Variants in KIAA1671 observed in about 807,000 individuals in gnomAD.
KIAA1671 encodes KIAA1671.
KIAA1671 carries 52 observed loss-of-function variants against 131.2 expected under a neutral mutation model. That is an observed-to-expected ratio of 0.40 (90% CI 0.32 to 0.50). The LOEUF is 0.50. KIAA1671 is among the 20% of genes least tolerant of loss of function. The pLI, the probability that KIAA1671 is intolerant of heterozygous loss-of-function variation, is 0.73. For missense variants in KIAA1671, 2,360 were observed against 2,364.2 expected (o/e 1.00, Z 0.04); for synonymous variants, 1,003 against 961.6 (o/e 1.04, Z -0.80).
intron 6 of KIAA1671, among the ~76,000 whole-genome samples, chr22:25,088,256 C>T (rs1929839444): frequency 1.3e-5 from 2 of 152,172 alleles, no homozygotes; most frequent in Non-Finnish European, 1.5e-5. Context: ...TACAGGCGTG[C>T]ACCACCACAC....
chr22:25,009,017 C>T (rs1342521867), intron 1 of KIAA1671, among the ~76,000 whole-genome samples: 1 of 152,120 alleles, frequency 6.6e-6, no homozygotes, highest in African/African-American at 2.4e-5. Flanking sequence ...CCTGGGAAAA[C>T]CAGGAGAGGA....
chr22:25,046,971 GTTTTTTT>G (rs151333876), intron 5 of KIAA1671, among the ~76,000 whole-genome samples: 1 of 125,610 alleles, frequency 8.0e-6, no homozygotes, highest in Non-Finnish European at 1.6e-5. Flanking sequence ...TGTCTTGAGA[GTTTTTTT>G]TTTTTTTTTT....
At chr22:24,981,799 T>C (rs1923250011) in intron 1 of KIAA1671, among the ~76,000 whole-genome samples, 1 of 152,166 alleles carries the variant, frequency 6.6e-6, no homozygotes, top group African/African-American at 2.4e-5. Flanking sequence ...TTCCAGCTAC[T>C]TGGGAGACCA....
At chr22:25,018,969 ACAGTGGATGT>A (rs1236712719) in intron 1 of KIAA1671, among the ~76,000 whole-genome samples, 1 of 152,030 alleles carries the variant, frequency 6.6e-6, no homozygotes, top group Non-Finnish European at 1.5e-5. Context: ...ACTGATTTCC[ACAGTGGATGT>A]GCCATTTTAT....
chr22:25,040,451 C>T lies in KIAA1671; in HGVS notation c.3321C>T (p.Asp1107=). Residue 1107 remains aspartate (D), a synonymous_variant, in exon 5 of 13, where the codon GAC becomes GAT. Coordinates refer to ENST00000358431, the MANE Select transcript of KIAA1671 (RefSeq NM_001145206.2). ...ASILKTLKPT[D]RPSSLGAWSL... ...TTTTAAAAACTCTGAAGCCAACAGA[C>T]CGTCCATCATCTCTTGGGGCCTGGA... The T allele has an allele frequency of 1.3e-6, 2 of 1,552,064 alleles. No individual in the cohort carries two copies. Among genetic ancestry groups the T allele is most frequent in the Admixed American group, 2.0e-5 (1 of 51,004 alleles).
At chr22:25,096,870 A>G (rs1372357554) in intron 6 of KIAA1671, among the ~76,000 whole-genome samples, 1 of 152,098 alleles carries the variant, frequency 6.6e-6, no homozygotes, top group Non-Finnish European at 1.5e-5. Flanking sequence ...GGAGCCGTGC[A>G]CTCTGCAGTC....
chr22:25,043,389 A>G (rs1444714920), intron 5 of KIAA1671, among the ~76,000 whole-genome samples: 1 of 152,170 alleles, frequency 6.6e-6, no homozygotes, highest in African/African-American at 2.4e-5. Flanking sequence ...ATGGGGGGAA[A>G]AAAACAGAGG....
chr22:24,970,077 G>T (rs564478674), intron 1 of KIAA1671, among the ~76,000 whole-genome samples: 1 of 152,136 alleles, frequency 6.6e-6, no homozygotes, highest in Non-Finnish European at 1.5e-5. Flanking sequence ...TTATCACTCC[G>T]GGATGCTTCC....
chr22:24,995,557 G>A (rs995858895), intron 1 of KIAA1671, among the ~76,000 whole-genome samples: 51 of 151,600 alleles, frequency 3.4e-4, no homozygotes, highest in Non-Finnish European at 8.8e-5. Context: ...ACTGGGTTTC[G>A]CCACGTTGCC....
intron 6 of KIAA1671, chr22:25,050,700 G>A (rs1168061393): frequency 3.3e-5 from 5 of 152,320 alleles, no homozygotes; most frequent in African/African-American, 1.2e-4. Flanking sequence ...AGACGGGCCG[G>A]GGAGGAACTC....
intron 6 of KIAA1671, among the ~76,000 whole-genome samples, chr22:25,151,952 C>T (rs1007733943): frequency 4.6e-5 from 7 of 152,044 alleles, no homozygotes; most frequent in South Asian, 2.1e-4. Context: ...TTGGCCAGGC[C>T]GCTCCTGAAC....
intron 5 of KIAA1671, among the ~76,000 whole-genome samples, chr22:25,043,215 CT>C (rs1243820513): frequency 6.6e-6 from 1 of 152,162 alleles, no homozygotes; most frequent in Non-Finnish European, 1.5e-5. Context: ...AAATAAGCCA[CT>C]TTGTTTTTAA....
chr22:25,062,974 G>A (rs975427467), intron 6 of KIAA1671: 1 of 152,032 alleles, frequency 6.6e-6, no homozygotes, highest in Non-Finnish European at 1.5e-5. Context: ...CCCCTTTTCT[G>A]ATGGGCTGGC....
chr22:25,166,634 A>G (rs975994330), intron 6 of KIAA1671, among the ~76,000 whole-genome samples: 1 of 152,200 alleles, frequency 6.6e-6, no homozygotes, highest in African/African-American at 2.4e-5. Context: ...AATTGCTGTC[A>G]TCATGACGGT....
At chr22:25,067,626 G>A (rs940895536) in intron 6 of KIAA1671, among the ~76,000 whole-genome samples, 6 of 151,538 alleles carry the variant, frequency 4.0e-5, no homozygotes, top group African/African-American at 7.3e-5. Flanking sequence ...TCTGCCCTGC[G>A]CCTGGCCTGC....
intron 1 of KIAA1671, among the ~76,000 whole-genome samples, chr22:24,966,969 A>C (rs1283659720): frequency 6.6e-6 from 1 of 152,128 alleles, no homozygotes; most frequent in Non-Finnish European, 1.5e-5. Flanking sequence ...TGAATGAACG[A>C]ATGAATGAAT....
chr22:25,138,327 G>A (rs1398127624), intron 6 of KIAA1671, among the ~76,000 whole-genome samples: 1 of 152,144 alleles, frequency 6.6e-6, no homozygotes, highest in Non-Finnish European at 1.5e-5. Context: ...ATGAGTGACA[G>A]CACTTTTTGC....
intron 6 of KIAA1671, among the ~76,000 whole-genome samples, chr22:25,118,617 A>G (rs1931792468): frequency 1.3e-5 from 2 of 151,980 alleles, no homozygotes; most frequent in African/African-American, 2.4e-5. Flanking sequence ...GGCCACTGTC[A>G]GCCCCCCACA....
rs996301593 is a variant in KIAA1671, at chr22:25,105,822, G to A, written c.4530+56458G>A. Among the ~76,000 whole-genome samples the A allele has an allele frequency of 2.3e-3, 170 of 75,062 alleles. 2 individuals carry two copies. The highest frequency in any genetic ancestry group is 5.4e-3 in the African/African-American group (163 of 29,940). The allele number at this position is 75,062 out of a possible 152,430, so 49.2% of individuals were successfully genotyped here. A position where few individuals can be genotyped will look rare whatever the true frequency, so the allele number is the denominator to read the frequency against. On this transcript the variant is annotated intron_variant, in intron 6 of 12. Coordinates refer to ENST00000358431, the MANE Select transcript of KIAA1671 (RefSeq NM_001145206.2). ...TAGCTTGTCACAGGTATGAAGTTGG[G>A]GGGGGGGGGTGCCAAACTCCACCAC... is the stretch of plus-strand genomic sequence containing the variant.
Sources: allele counts gnomAD v4.1 joint callset (sites outside exome capture counted in the v4.1 genomes callset), GRCh38; gene constraint gnomAD v4.1.1; transcripts MANE v1.5; gene names NCBI Gene and HGNC (gene_info 2026-07-23, HGNC 2026-07-21).